ATP2C2: variants seen among roughly 807,000 people sequenced by gnomAD.
The protein encoded by ATP2C2 is calcium-transporting ATPase type 2C member 2.
In ATP2C2, 171 loss-of-function variants were observed where a neutral mutation model predicts 110.8. That is an observed-to-expected ratio of 1.54 (90% CI 1.36 to 1.75). ATP2C2 has a LOEUF of 1.75. ATP2C2 is among the 40% of genes most tolerant of loss of function. The pLI is 0.00. For synonymous variants in ATP2C2, 804 were observed against 508.4 expected (o/e 1.58, Z -7.82); for missense variants, 1,963 against 1,235.0 (o/e 1.59, Z -8.84).
intron 1 of ATP2C2, among the ~76,000 whole-genome samples, chr16:84,396,777 A>G (rs1905010251): frequency 6.6e-6 from 1 of 151,842 alleles, no homozygotes; most frequent in Non-Finnish European, 1.5e-5. Context: ...GTAACTCTAC[A>G]AAGAATGCAA....
At position 84,451,904 on chromosome 16, in the gene ATP2C2, TC is replaced by T. The variant is rs769837711; in HGVS notation, c.1661-12del. 7 of 1,602,776 alleles carry T rather than the reference TC, an allele frequency of 4.4e-6. No homozygotes were observed. The highest frequency in any genetic ancestry group is 6.0e-6 in the Non-Finnish European group (7 of 1,176,436). Reference sequence around the variant, plus strand: ...TAAGCCCCCGGTGACCCCTCCTTACTCCCCCTCTCTCCTCAGTGCTGGCCCT... The same window carrying T: ...TAAGCCCCCGGTGACCCCTCCTTACTCCCCTCTCTCCTCAGTGCTGGCCCT... On this transcript the variant is annotated splice_polypyrimidine_tract_variant and intron_variant, in intron 17 of 26. Coordinates refer to ENST00000262429, the MANE Select transcript of ATP2C2 (RefSeq NM_014861.4).
intron 23 of ATP2C2, chr16:84,459,916 C>A (rs1235563247): frequency 7.1e-6 from 2 of 282,538 alleles, no homozygotes; most frequent in African/African-American, 2.2e-5. Context: ...ACCCGCTCCG[C>A]CACTTAATAT....
intron 26 of ATP2C2, 76 bp from the exon 27 acceptor site, chr16:84,463,538 G>A: frequency 8.1e-7 from 1 of 1,241,864 alleles, no homozygotes; most frequent in South Asian, 1.2e-5. Context: ...CAGGAGGACT[G>A]GCAGGGAAGG....
chr16:84,448,832 G>T, intron 17 of ATP2C2, 143 bp downstream of exon 17: 1 of 1,140,454 alleles, frequency 8.8e-7, no homozygotes, highest in Non-Finnish European at 1.2e-6. Context: ...TGTGTGCTTG[G>T]AACCTGATGG....
chr16:84,408,120 C>T (rs1012050690), intron 3 of ATP2C2, among the ~76,000 whole-genome samples: 1 of 152,094 alleles, frequency 6.6e-6, no homozygotes. Flanking sequence ...CGGCCTGGAG[C>T]GTCATGGAGA....
At chr16:84,426,415 G>C (rs1323848715) in intron 11 of ATP2C2, among the ~76,000 whole-genome samples, 1 of 152,240 alleles carries the variant, frequency 6.6e-6, no homozygotes, top group South Asian at 2.1e-4. Flanking sequence ...GTTTGAGTTG[G>C]GACACACATT....
Position 84,417,152 on chromosome 16 carries a change from G to A in ATP2C2, c.624+1561G>A, listed in dbSNP as rs547591554. Among the ~76,000 whole-genome samples the A allele has an allele frequency of 4.6e-5, 7 of 152,276 alleles. No homozygotes were observed. In the East Asian group the frequency reaches 1.4e-3, roughly 29 times the overall value. ...TTTTCTCATCTGCAAAATGGGGGGTGGTGATGCCCATAGGGTACTTGGGAG... is the reference window on the plus strand; with the variant it reads ...TTTTCTCATCTGCAAAATGGGGGGTAGTGATGCCCATAGGGTACTTGGGAG... On this transcript the variant is annotated intron_variant, in intron 7 of 26. Coordinates refer to ENST00000262429, the MANE Select transcript of ATP2C2 (RefSeq NM_014861.4).
intron 9 of ATP2C2, 66 bp from the exon 10 acceptor site, chr16:84,423,122 A>G (rs1907502817): frequency 1.4e-6 from 2 of 1,422,032 alleles, no homozygotes; most frequent in Non-Finnish European, 2.0e-6. Flanking sequence ...AGGTGAAGAC[A>G]TTTTGAACAA....
intron 4 of ATP2C2, 61 bp downstream of exon 4, chr16:84,408,555 C>A: frequency 1.5e-6 from 2 of 1,346,180 alleles, no homozygotes; most frequent in South Asian, 1.2e-5. Flanking sequence ...TGAGTCTCTG[C>A]TTGTTATTGT....
chr16:84,395,273 C>G (rs909347667), intron 1 of ATP2C2, among the ~76,000 whole-genome samples: 1 of 151,934 alleles, frequency 6.6e-6, no homozygotes, highest in East Asian at 1.9e-4. Context: ...TGCATCCAAC[C>G]CCCTCTCCCC....
At chr16:84,393,084 C>T (rs78489568) in intron 1 of ATP2C2, among the ~76,000 whole-genome samples, 3,518 of 152,244 alleles carry the variant, frequency 0.023, 61 homozygotes, top group East Asian at 0.073. Context: ...GCAGCGGGCA[C>T]GGGCCCACTT....
intron 1 of ATP2C2, among the ~76,000 whole-genome samples, chr16:84,382,921 A>G (rs1910669770): frequency 6.6e-6 from 1 of 151,496 alleles, no homozygotes; most frequent in Non-Finnish European, 1.5e-5. Context: ...AAAAAAGTAA[A>G]GAAAGAAATG....
intron 11 of ATP2C2, among the ~76,000 whole-genome samples, chr16:84,433,576 C>T (rs932364734): frequency 2.6e-5 from 4 of 151,834 alleles, no homozygotes; most frequent in African/African-American, 7.2e-5. Context: ...CTCTTGAACC[C>T]GGGAGGTGGA....
chr16:84,442,761 AGG>A (rs1909389908), intron 15 of ATP2C2, among the ~76,000 whole-genome samples, 162 bp downstream of exon 15: 6 of 151,750 alleles, frequency 4.0e-5, no homozygotes, highest in Non-Finnish European at 8.8e-5. Context: ...GTGGTGGAGG[AGG>A]TGAGCTCTGA....
intron 1 of ATP2C2, among the ~76,000 whole-genome samples, chr16:84,394,935 T>C (rs112271717): frequency 2.0e-5 from 3 of 152,162 alleles, no homozygotes; most frequent in Admixed American, 1.3e-4. Context: ...TTTCAAAGAA[T>C]GGTTTTGCAG....
chr16:84,401,732 G>A (rs1474348178), intron 2 of ATP2C2, among the ~76,000 whole-genome samples: 3 of 152,120 alleles, frequency 2.0e-5, no homozygotes, highest in African/African-American at 7.2e-5. Flanking sequence ...GGTTACTAAA[G>A]CTCTGCAGTA....
intron 1 of ATP2C2, among the ~76,000 whole-genome samples, chr16:84,385,013 C>A (rs4782941): frequency 0.15 from 23,535 of 152,196 alleles, 2,063 homozygotes; most frequent in Non-Finnish European, 0.2. Flanking sequence ...TGTAGCACTG[C>A]ACTCCAGCCT....
rs773130916 is a variant in ATP2C2, at chr16:84,415,532, G to A, written c.565G>A (p.Gly189Ser). ...QHLLARELVP[G>S]DVVSLSIGDR... The stretch of plus-strand genomic sequence containing the variant: ...CCTGCTTGCTCGAGAACTGGTTCCT[G>A]GTGATGTCGTATCTCTCTCGATCGG... Residue 189 changes from glycine to serine, a missense_variant, in exon 7 of 27, where the codon GGT (glycine) becomes AGT (serine). By Grantham distance (56) the Gly-to-Ser change is moderately conservative. Transcript: ENST00000262429. 4 of 1,614,044 alleles carry A rather than the reference G, an allele frequency of 2.5e-6. No homozygotes were observed. Among genetic ancestry groups the A allele is most frequent in the African/African-American group, 2.7e-5 (2 of 74,908 alleles).
At chr16:84,417,469 C>G (rs569730582) in intron 7 of ATP2C2, among the ~76,000 whole-genome samples, 1 of 152,338 alleles carries the variant, frequency 6.6e-6, no homozygotes, top group South Asian at 2.1e-4. Flanking sequence ...TAAACAGTCA[C>G]CAGATACTTG....
Sources: gnomAD v4.1 joint callset for allele counts (sites outside exome capture counted in the v4.1 genomes callset) on GRCh38, gnomAD v4.1.1 for gene constraint, MANE v1.5 for transcripts, NCBI Gene and HGNC (gene_info 2026-07-23, HGNC 2026-07-21) for gene names.